Variants in KCNQ5 observed in about 807,000 individuals in gnomAD.
KCNQ5 encodes the protein potassium voltage-gated channel subfamily KQT member 5.
KCNQ5 carries 30 observed loss-of-function variants against 98.2 expected under a neutral mutation model. The observed-to-expected ratio is 0.31, with a 90% CI of 0.23 to 0.41. The LOEUF (loss-of-function observed/expected upper bound fraction) is 0.41. Ranked by LOEUF, KCNQ5 falls within the 10% of genes least tolerant of loss-of-function variation. The pLI is 1.00. For missense variants in KCNQ5, 835 were observed against 1,182.5 expected (o/e 0.71, Z 4.31); for synonymous variants, 458 against 449.4 (o/e 1.02, Z -0.24).
intron 1 of KCNQ5, among the ~76,000 whole-genome samples, chr6:72,872,084 T>C (rs1489765128): frequency 1.3e-5 from 2 of 152,182 alleles, no homozygotes; most frequent in Non-Finnish European, 2.9e-5. Flanking sequence ...GTCTTTGAAA[T>C]GGACAGATGG....
At chr6:72,956,764 A>G (rs1359305743) in intron 1 of KCNQ5, among the ~76,000 whole-genome samples, 2 of 151,762 alleles carry the variant, frequency 1.3e-5, no homozygotes, top group Non-Finnish European at 2.9e-5. Flanking sequence ...AACAGATTAA[A>G]ACTGAGATAC....
At chr6:73,164,600 G>A (rs555480820) in intron 10 of KCNQ5, among the ~76,000 whole-genome samples, 3 of 152,210 alleles carry the variant, frequency 2.0e-5, no homozygotes, top group African/African-American at 7.2e-5. Context: ...TAATCATCTG[G>A]GATGTTCGCA....
chr6:73,050,249 A>AAGAAGGAG (rs1772160223), intron 3 of KCNQ5, among the ~76,000 whole-genome samples: 1 of 116,612 alleles, frequency 8.6e-6, no homozygotes, highest in African/African-American at 3.3e-5. Flanking sequence ...GAAGGAAAGA[A>AAGAAGGAG]GGAAGGAGGG....
chr6:72,934,597 A>G (rs997005409), intron 1 of KCNQ5, among the ~76,000 whole-genome samples: 1 of 152,252 alleles, frequency 6.6e-6, no homozygotes, highest in South Asian at 2.1e-4. Flanking sequence ...TTATATCAGA[A>G]GTGCTTTAGA....
intron 1 of KCNQ5, among the ~76,000 whole-genome samples, chr6:72,907,582 G>T (rs1187640800): frequency 6.6e-6 from 1 of 152,008 alleles, no homozygotes; most frequent in Non-Finnish European, 1.5e-5. Context: ...AAGGAGCTTG[G>T]TGTTTATTTC....
At chr6:72,716,637 A>T (rs546246442) in intron 1 of KCNQ5, among the ~76,000 whole-genome samples, 2 of 152,312 alleles carry the variant, frequency 1.3e-5, no homozygotes, top group Non-Finnish European at 2.9e-5. Context: ...TGGTTTAGTG[A>T]CATATGGCCA....
intron 1 of KCNQ5, among the ~76,000 whole-genome samples, chr6:72,808,865 A>G (rs902579754): frequency 2.0e-5 from 3 of 151,872 alleles, no homozygotes; most frequent in Non-Finnish European, 2.9e-5. Context: ...TAGAAATACC[A>G]CTTGACCCAG....
At chr6:72,847,170 T>A (rs1398529268) in intron 1 of KCNQ5, among the ~76,000 whole-genome samples, 2 of 152,158 alleles carry the variant, frequency 1.3e-5, no homozygotes, top group Non-Finnish European at 2.9e-5. Context: ...GTTGTTGTTT[T>A]CTTTTTTTCT....
At chr6:72,805,227 A>C (rs2150097946) in intron 1 of KCNQ5, among the ~76,000 whole-genome samples, 1 of 152,194 alleles carries the variant, frequency 6.6e-6, no homozygotes, top group African/African-American at 2.4e-5. Context: ...ATATTACTGA[A>C]GAAATCTTTG....
intron 1 of KCNQ5, among the ~76,000 whole-genome samples, chr6:72,838,446 A>G (rs868707901): frequency 6.6e-6 from 1 of 152,178 alleles, no homozygotes; most frequent in Non-Finnish European, 1.5e-5. Context: ...ACTTAAAAAC[A>G]TAGCTTAACA....
chr6:72,940,136 G>A (rs1017584953), intron 1 of KCNQ5, among the ~76,000 whole-genome samples: 3 of 152,072 alleles, frequency 2.0e-5, no homozygotes, highest in African/African-American at 7.2e-5. Context: ...ATTCTTTGAT[G>A]TTCTGAATCA....
intron 3 of KCNQ5, among the ~76,000 whole-genome samples, chr6:73,072,896 C>T (rs912989180): frequency 1.0e-4 from 15 of 148,604 alleles, no homozygotes; most frequent in Non-Finnish European, 2.1e-4. Context: ...GGATTACATG[C>T]TTTTTTTTTT....
rs374897852 is a variant in KCNQ5, at chr6:72,838,816, A to G, written c.399-165092A>G. On this transcript the variant is annotated intron_variant, in intron 1 of 13. Coordinates refer to ENST00000370398, the MANE Select transcript of KCNQ5 (RefSeq NM_019842.4). ...ATACAAAAAATTAGCCGGGCGTGGT[A>G]GCGGGCGCCTGTAGTCCCAGCTACT... 1.2e-3 allele frequency among the ~76,000 whole-genome samples: 178 copies of G among 150,820 alleles called. 1 individual carries two copies. Among genetic ancestry groups the G allele is most frequent in the Admixed American group, 3.9e-3 (59 of 15,156 alleles).
chr6:72,907,949 A>C (rs542011300), intron 1 of KCNQ5, among the ~76,000 whole-genome samples: 1 of 152,262 alleles, frequency 6.6e-6, no homozygotes, highest in East Asian at 1.9e-4. Context: ...TCTAACCACT[A>C]TCATGCTGTG....
chr6:73,112,069 C>T (rs1043840881), intron 7 of KCNQ5, among the ~76,000 whole-genome samples: 1 of 152,122 alleles, frequency 6.6e-6, no homozygotes, highest in Non-Finnish European at 1.5e-5. Context: ...AATGCTTCTC[C>T]TTTTGCCATC....
intron 1 of KCNQ5, among the ~76,000 whole-genome samples, chr6:72,915,495 T>C (rs925666821): frequency 2.6e-5 from 4 of 152,142 alleles, no homozygotes; most frequent in Admixed American, 2.6e-4. Context: ...CCATAGTGAG[T>C]AATTTTCCTG....
At chr6:72,837,801 A>G (rs541269092) in intron 1 of KCNQ5, among the ~76,000 whole-genome samples, 14 of 152,066 alleles carry the variant, frequency 9.2e-5, no homozygotes, top group African/African-American at 3.4e-4. Context: ...TGTTATATAT[A>G]TGTTGAAGCA....
intron 1 of KCNQ5, among the ~76,000 whole-genome samples, chr6:72,726,472 C>A (rs981018157): frequency 4.6e-5 from 7 of 152,150 alleles, no homozygotes; most frequent in African/African-American, 1.7e-4. Flanking sequence ...CTCGGCCTCC[C>A]AAAGTGCTAG....
intron 10 of KCNQ5, chr6:73,158,098 G>T (rs1043184983): frequency 8.3e-6 from 4 of 481,948 alleles, no homozygotes; most frequent in African/African-American, 7.8e-5. Context: ...AGCCAGTACA[G>T]GTGCTGCCGC....
Sources: gnomAD v4.1 joint callset for allele counts (sites outside exome capture counted in the v4.1 genomes callset) on GRCh38, gnomAD v4.1.1 for gene constraint, MANE v1.5 for transcripts, NCBI Gene and HGNC (gene_info 2026-07-23, HGNC 2026-07-21) for gene names.